The following RIPK1 variants were observed in gnomAD, a reference collection of about 807,000 sequenced individuals.
The protein encoded by RIPK1 is receptor interacting serine/threonine kinase 1, also known as receptor-interacting serine/threonine-protein kinase 1.
In RIPK1, 27 loss-of-function variants were observed where a neutral mutation model predicts 62.4. That is an observed-to-expected ratio of 0.43 (90% CI 0.32 to 0.60). The LOEUF (loss-of-function observed/expected upper bound fraction) is 0.60, where lower values mean the gene tolerates loss of function less well. Among genes scored for constraint, RIPK1 ranks in the 20% least tolerant of loss-of-function variants. The probability of loss-of-function intolerance (pLI) is 0.07; values close to 1 mark genes in which losing one functional copy is unlikely to be tolerated. For missense variants in RIPK1, 735 were observed against 831.0 expected (o/e 0.88, Z 1.42); for synonymous variants, 287 against 303.2 (o/e 0.95, Z 0.55).
intron 9 of RIPK1, among the ~76,000 whole-genome samples, chr6:3,107,562 CAAAAAAAAAAAAA>C (rs60843872): frequency 6.5e-5 from 3 of 46,322 alleles, no homozygotes; most frequent in African/African-American, 1.9e-4. Context: ...GAGACTGTCG[CAAAAAAAAAAAAA>C]AAAAAAAAAA....
At chr6:3,090,926 T>G (rs1760047854) in intron 7 of RIPK1, among the ~76,000 whole-genome samples, 1 of 17,168 alleles carries the variant, frequency 5.8e-5, no homozygotes. Context: ...CGCGCCTACC[T>G]GCCGCACCTA....
chr6:3,067,051 A>ATTT (rs36132424), upstream of RIPK1, among the ~76,000 whole-genome samples: 4,875 of 58,892 alleles, frequency 0.083, 250 homozygotes, highest in East Asian at 0.13. Context: ...TTGCTCCAGG[A>ATTT]TTTTTTTTTT....
chr6:3,102,928 T>G (rs908400931), intron 7 of RIPK1, among the ~76,000 whole-genome samples: 59 of 152,188 alleles, frequency 3.9e-4, no homozygotes, highest in Non-Finnish European at 7.2e-4. Context: ...TAAAATTGTT[T>G]TACATGGTAG....
intron 9 of RIPK1, among the ~76,000 whole-genome samples, chr6:3,108,720 CTG>C (rs748861252): frequency 3.0e-4 from 46 of 152,320 alleles, no homozygotes; most frequent in Non-Finnish European, 4.9e-4. Context: ...ACCTCAGAGA[CTG>C]TCACAGGGGT....
intron 10 of RIPK1, among the ~76,000 whole-genome samples, chr6:3,111,508 GCGC>G (rs1296223908): frequency 6.8e-5 from 10 of 147,502 alleles, no homozygotes; most frequent in African/African-American, 2.2e-4. Context: ...CATGGGATTG[GCGC>G]TTTTTTTTTT....
upstream of RIPK1, among the ~76,000 whole-genome samples, chr6:3,064,217 G>C (rs12209773): frequency 0.8 from 121,648 of 151,928 alleles, 48,979 homozygotes; most frequent in Non-Finnish European, 0.84. Context: ...GCAACGGTCT[G>C]TGGGGGGTCC....
chr6:3,102,669 C>G (rs899629140), intron 7 of RIPK1, among the ~76,000 whole-genome samples: 1 of 152,262 alleles, frequency 6.6e-6, no homozygotes, highest in South Asian at 2.1e-4. Context: ...GGCACCATCT[C>G]GGCTCACTGC....
At chr6:3,077,448 G>C (rs1759127855) in intron 2 of RIPK1, among the ~76,000 whole-genome samples, 1 of 150,790 alleles carries the variant, frequency 6.6e-6, no homozygotes, top group South Asian at 2.1e-4. Flanking sequence ...GTGGTTTTGA[G>C]AGAGGCTGTT....
At chr6:3,086,585 A>G (rs1239088449) in intron 6 of RIPK1, among the ~76,000 whole-genome samples, 1 of 152,194 alleles carries the variant, frequency 6.6e-6, no homozygotes, top group Admixed American at 6.5e-5. Flanking sequence ...CTCCCCTTTT[A>G]CTGCAGTGGG....
chr6:3,096,268 A>G (rs1378976515), intron 7 of RIPK1, among the ~76,000 whole-genome samples: 2 of 152,218 alleles, frequency 1.3e-5, no homozygotes, highest in East Asian at 3.8e-4. Flanking sequence ...TTGGAAAAGA[A>G]GAAACAAAAC....
In RIPK1 at chr6:3,110,887, C is replaced by T; in HGVS notation, c.1661C>T (p.Ser554Leu). ...YNYMEIGGTS[S>L]SLLDSTNTNF... ...TATATGGAGATTGGTGGGACGAGTTCATCACTACTAGACAGCACAAATACG... is the reference window on the plus strand; with the variant it reads ...TATATGGAGATTGGTGGGACGAGTTTATCACTACTAGACAGCACAAATACG... The change falls in exon 10 of 11, where the codon TCA becomes TTA. Residue 554 changes from serine to leucine, a missense_variant. This residue lies in a region of RIPK1 where 671 missense variants were observed against 726.2 expected (regional missense o/e 0.92). Coordinates refer to ENST00000259808, the MANE Select transcript of RIPK1 (RefSeq NM_001354930.2). 6.2e-7 allele frequency: 1 copy of T among 1,612,176 alleles called. No homozygotes were observed. Among genetic ancestry groups the T allele is most frequent in the Non-Finnish European group, 8.5e-7 (1 of 1,178,324 alleles).
chr6:3,094,722 C>G (rs973603732), intron 7 of RIPK1, among the ~76,000 whole-genome samples: 1 of 151,838 alleles, frequency 6.6e-6, no homozygotes, highest in Non-Finnish European at 1.5e-5. Context: ...AAGTAACTAA[C>G]AGCGGATCAA....
At chr6:3,077,638 C>T (rs900756871) in intron 2 of RIPK1, 141 bp from the exon 3 acceptor site, 30 of 822,526 alleles carry the variant, frequency 3.6e-5, no homozygotes, top group Middle Eastern at 7.4e-4. Context: ...TGCCTTCTAA[C>T]GCTTCTGGCC....
intron 7 of RIPK1, among the ~76,000 whole-genome samples, chr6:3,090,885 C>G (rs34810870): frequency 5.2e-4 from 8 of 15,494 alleles, no homozygotes; most frequent in African/African-American, 3.7e-3. Context: ...GTAACCGCAG[C>G]GCGCCTACCT....
chr6:3,069,867 C>G (rs1427761850), intron 1 of RIPK1, among the ~76,000 whole-genome samples: 1 of 152,110 alleles, frequency 6.6e-6, no homozygotes, highest in African/African-American at 2.4e-5. Context: ...AAAAATTAGC[C>G]AGGTGTGGTG....
intron 7 of RIPK1, among the ~76,000 whole-genome samples, chr6:3,094,139 G>A (rs1351617447): frequency 7.0e-6 from 1 of 143,218 alleles, no homozygotes; most frequent in East Asian, 1.9e-4. Flanking sequence ...AGTAACTGCA[G>A]AGTACCTACC....
At chr6:3,112,595 G>C (rs918941194) in intron 10 of RIPK1, among the ~76,000 whole-genome samples, 1 of 152,344 alleles carries the variant, frequency 6.6e-6, no homozygotes, top group East Asian at 1.9e-4. Context: ...CAGGGGCACA[G>C]TCATGGCTCA....
At position 3,105,830 on chromosome 6, in the gene RIPK1, C is replaced by T; in HGVS notation, c.1355C>T (p.Pro452Leu). ...AGTCATGGTAATGCAGTGCACCAGC[C>T]CTCAGGGCTCACCAGCCAACCTCAA... ...AASHGNAVHQ[P>L]SGLTSQPQVL... The change falls in exon 9 of 11, where the codon CCC becomes CTC. Residue 452 changes from proline (P) to leucine (L), a missense_variant. Pro to Leu is a moderately conservative substitution (Grantham distance 98). Transcript: ENST00000259808. This position sits in a 1 kb window ranked among gnomAD's most constrained non-coding sequence, Gnocchi z 4.5. 6.2e-7 allele frequency: 1 copy of T among 1,614,098 alleles called. No homozygotes were observed. Among genetic ancestry groups the T allele is most frequent in the African/African-American group, 1.3e-5 (1 of 75,032 alleles).
chr6:3,065,666 T>C (rs569872677), upstream of RIPK1, among the ~76,000 whole-genome samples: 1 of 152,052 alleles, frequency 6.6e-6, no homozygotes, highest in Non-Finnish European at 1.5e-5. Flanking sequence ...TTCAGGCCTG[T>C]GGCCAAGAGA....
Sources: allele counts gnomAD v4.1 joint callset (sites outside exome capture counted in the v4.1 genomes callset), GRCh38; gene constraint gnomAD v4.1.1; regional missense constraint gnomAD v4.1.1; non-coding constraint Gnocchi (gnomAD v3.1); transcripts MANE v1.5; gene names NCBI Gene and HGNC (gene_info 2026-07-23, HGNC 2026-07-21).